LRP5: variants seen among roughly 807,000 people sequenced by gnomAD.
The protein encoded by LRP5 is LDL receptor related protein 5, also known as low-density lipoprotein receptor-related protein 5.
In LRP5, 62 loss-of-function variants were observed where a neutral mutation model predicts 154.1. The observed-to-expected ratio is 0.40, with a 90% CI of 0.33 to 0.50. The LOEUF (loss-of-function observed/expected upper bound fraction) is 0.50. Among genes scored for constraint, LRP5 ranks in the 20% least tolerant of loss-of-function variants. LRP5 has a pLI of 0.55. For missense variants in LRP5, 1,915 were observed against 2,336.7 expected (o/e 0.82, Z 3.72); for synonymous variants, 966 against 1,011.5 (o/e 0.96, Z 0.85).
In LRP5 at chr11:68,424,845, C is replaced by G. The variant is rs554506426; in HGVS notation, c.3237-257C>G. 9.2e-5 allele frequency among the ~76,000 whole-genome samples: 14 copies of G among 152,334 alleles called. No individual in the cohort carries two copies. The East Asian group carries it at 2.7e-3, about 29-fold the overall frequency. ...CACTTCAGTTGGATTTAGGGCCTACCCTCACCCATTGTGGTCGTATCTTGA... is the reference window on the plus strand; with the variant it reads ...CACTTCAGTTGGATTTAGGGCCTACGCTCACCCATTGTGGTCGTATCTTGA... On this transcript the variant is annotated intron_variant, in intron 14 of 22. Transcript: ENST00000294304.
the LRP5 span, among the ~76,000 whole-genome samples, chr11:68,306,016 C>T: frequency 6.6e-6 from 1 of 152,236 alleles, no homozygotes; most frequent in African/African-American, 2.4e-5. Context: ...CTTCCTACCT[C>T]TTGCAACTTC....
rs121908665 is a variant in LRP5 at position 68,403,606 on chromosome 11, C to T, written c.1708C>T (p.Arg570Trp). 5 of 1,614,148 alleles carry T rather than the reference C, an allele frequency of 3.1e-6. No individual in the cohort carries two copies. The highest frequency in any genetic ancestry group is 3.4e-6 in the Non-Finnish European group (4 of 1,180,036). ...TGACTGGCAGCGCCGCAGCATCGAGCGGGTGCACAAGGTCAAGGCCAGCCG... is the reference window on the plus strand; with the variant it reads ...TGACTGGCAGCGCCGCAGCATCGAGTGGGTGCACAAGGTCAAGGCCAGCCG... The part of the protein sequence containing the change: ...WTDWQRRSIE[R>W]VHKVKASRDV... The change falls in exon 8 of 23, where the codon CGG becomes TGG. Residue 570 changes from arginine (R) to tryptophan (W), a missense_variant. By Grantham distance (101) the Arg-to-Trp change is moderately radical. Around this residue, in one of 3 missense-constraint regions of LRP5, gnomAD observed 773 missense variants for 1,100.9 expected, o/e 0.70. Transcript: ENST00000294304.
At chr11:68,329,817 A>T (rs2098601721) in intron 1 of LRP5, among the ~76,000 whole-genome samples, 1 of 152,306 alleles carries the variant, frequency 6.6e-6, no homozygotes, top group South Asian at 2.1e-4. Flanking sequence ...TGTTTCTCTC[A>T]CTATTTGCCA....
intron 1 of LRP5, among the ~76,000 whole-genome samples, chr11:68,341,056 G>GTTTTTTTTTTTTT (rs1466472469): frequency 7.8e-4 from 40 of 51,406 alleles, no homozygotes; most frequent in Non-Finnish European, 1.2e-3. Context: ...GCTGGAGATT[G>GTTTTTTTTTTTTT]TTCTTTTTTT....
chr11:68,433,415 G>A (rs1380827448), intron 17 of LRP5, among the ~76,000 whole-genome samples, 187 bp from the exon 18 acceptor site: 1 of 152,224 alleles, frequency 6.6e-6, no homozygotes, highest in African/African-American at 2.4e-5. Context: ...TCTGGGTTGG[G>A]GCTGGAGGTG....
In LRP5 at chr11:68,436,897, C is replaced by G; in HGVS notation, c.4009C>G (p.Leu1337Val). Residue 1337 changes from leucine (L) to valine (V), a missense_variant, in exon 19 of 23, where the codon CTG becomes GTG. Physicochemically the swap from Leu to Val is conservative, Grantham distance 32. Coordinates refer to ENST00000294304, the MANE Select transcript of LRP5 (RefSeq NM_002335.4). Reference protein sequence around the residue: ...SDEADCDAICLPNQFRCASGQ... With the variant: ...SDEADCDAICVPNQFRCASGQ... ...ATGGCCTCTCCTTGCAGCCATCTGC[C>G]TGCCCAACCAGTTCCGGTGTGCGAG... The G allele has an allele frequency of 6.2e-7, 1 of 1,613,674 alleles. No homozygotes were observed. The highest frequency in any genetic ancestry group is 8.5e-7 in the Non-Finnish European group (1 of 1,179,858).
chr11:68,331,434 G>T (rs1267416104), intron 1 of LRP5, among the ~76,000 whole-genome samples: 1 of 152,158 alleles, frequency 6.6e-6, no homozygotes, highest in Non-Finnish European at 1.5e-5. Context: ...CTGCCTCCCC[G>T]CCTGCCCCAG....
intron 8 of LRP5, chr11:68,404,000 G>A (rs764389474): frequency 5.7e-5 from 29 of 510,176 alleles, no homozygotes; most frequent in Non-Finnish European, 8.6e-5. Context: ...GACCCCGTCT[G>A]CAAATGTAGT....
intron 15 of LRP5, 84 bp from the exon 16 acceptor site, chr11:68,425,894 T>C (rs2098668479): frequency 8.1e-7 from 1 of 1,228,728 alleles, no homozygotes; most frequent in Admixed American, 1.7e-5. Flanking sequence ...CTGGCAGTCC[T>C]GTCAACCTCT....
intron 5 of LRP5, among the ~76,000 whole-genome samples, chr11:68,371,980 G>A (rs1314911982): frequency 6.6e-6 from 1 of 152,262 alleles, no homozygotes; most frequent in African/African-American, 2.4e-5. Flanking sequence ...GAGGTCCAGT[G>A]TCCGGGGGTG....
chr11:68,374,767 G>A (rs1231187101), intron 5 of LRP5, among the ~76,000 whole-genome samples: 2 of 152,154 alleles, frequency 1.3e-5, no homozygotes, highest in African/African-American at 4.8e-5. Context: ...ATGGAACCAC[G>A]CAGCTGTGCT....
intron 7 of LRP5, among the ~76,000 whole-genome samples, chr11:68,402,062 A>G (rs576590321): frequency 5.1e-4 from 77 of 152,166 alleles, no homozygotes; most frequent in Non-Finnish European, 9.9e-4. Context: ...CATGCATTCC[A>G]TCTGCCTTAC....
intron 13 of LRP5, among the ~76,000 whole-genome samples, chr11:68,417,633 C>A (rs545334302): frequency 3.5e-4 from 53 of 151,538 alleles, no homozygotes; most frequent in African/African-American, 1.3e-3. Context: ...GCCAGATTTG[C>A]ATTTTTGAAA....
At chr11:68,405,592 G>T (rs192476727) in intron 8 of LRP5, among the ~76,000 whole-genome samples, 1 of 152,166 alleles carries the variant, frequency 6.6e-6, no homozygotes, top group South Asian at 2.1e-4. Context: ...CTCCATGGGG[G>T]TGTGATTTAA....
chr11:68,388,084 G>A (rs375736358), intron 6 of LRP5, among the ~76,000 whole-genome samples: 5 of 152,164 alleles, frequency 3.3e-5, no homozygotes, highest in South Asian at 2.1e-4. Context: ...GGCAGAGGGC[G>A]GGGCTCGAGC....
intron 1 of LRP5, among the ~76,000 whole-genome samples, chr11:68,331,247 C>A (rs2098602577): frequency 6.6e-6 from 1 of 152,264 alleles, no homozygotes; most frequent in African/African-American, 2.4e-5. Flanking sequence ...GTCACCAACA[C>A]TGTTCTGTCA....
chr11:68,312,718 GA>G lies in LRP5; in HGVS notation c.5del (p.Glu2GlyfsTer81). The G allele has an allele frequency of 9.6e-7, 1 of 1,037,814 alleles. No individual in the cohort carries two copies. Among genetic ancestry groups the G allele is most frequent in the South Asian group, 3.5e-5 (1 of 28,576 alleles). 64.3% of individuals were successfully genotyped at this position (1,037,814 alleles called of 1,614,324 possible). ...GCCCGTCCGGCCGCCGGACAACATG[GA>G]GGCAGCGCCGCCCGGGCCGCCGTGG... M[E>X]AAPPGPPWPL... is the part of the protein sequence containing the mutation. On this transcript the variant is annotated frameshift_variant, in exon 1 of 23. Transcript: ENST00000294304. LOFTEE classifies it high-confidence loss of function.
In LRP5 at chr11:68,413,949, G is replaced by A. The variant is rs773895575; in HGVS notation, c.2764G>A (p.Gly922Ser). The A allele has an allele frequency of 1.3e-5, 21 of 1,609,168 alleles. No individual in the cohort carries two copies. The Admixed American group carries it at 2.3e-4, about 18-fold the overall frequency. Residue 922 changes from glycine to serine, a missense_variant, in exon 12 of 23, where the codon GGC (glycine) becomes AGC (serine). This residue lies in a region of LRP5 where 1,094 missense variants were observed against 1,210.1 expected (regional missense o/e 0.90). Coordinates refer to ENST00000294304, the MANE Select transcript of LRP5 (RefSeq NM_002335.4). The surrounding 1 kb of genome is among the most constrained non-coding windows in gnomAD (Gnocchi z 5.1). ...QCGQLCLAIPGGHRCGCASHY... is the reference protein window; with the variant it reads ...QCGQLCLAIPSGHRCGCASHY... ...TGGGCAGCTGTGCCTTGCCATCCCCGGCGGCCACCGCTGCGGCTGCGCCTC... is the reference window on the plus strand; with the variant it reads ...TGGGCAGCTGTGCCTTGCCATCCCCAGCGGCCACCGCTGCGGCTGCGCCTC...
At position 68,423,790 on chromosome 11, in the gene LRP5, C is replaced by T; in HGVS notation, c.3236+93C>T. ...GCCAGCCTCTCACAGGCTGGGGAGA[C>T]TTTCCACCCTGGGGATCCAATGGGT... On this transcript the variant is annotated intron_variant, in intron 14 of 22. Transcript: ENST00000294304. The surrounding 1 kb of genome is among the most constrained non-coding windows in gnomAD (Gnocchi z 4.7). 1.6e-6 allele frequency: 2 copies of T among 1,275,384 alleles called. No individual in the cohort carries two copies. Among genetic ancestry groups the T allele is most frequent in the South Asian group, 2.6e-5 (2 of 76,048 alleles). The allele number at this position is 1,275,384 out of a possible 1,614,324, so 79.0% of individuals were successfully genotyped here.
Sources: gnomAD v4.1 joint callset for allele counts (sites outside exome capture counted in the v4.1 genomes callset) on GRCh38, gnomAD v4.1.1 for gene constraint, gnomAD v4.1.1 regional missense constraint, Gnocchi (gnomAD v3.1) non-coding constraint, MANE v1.5 for transcripts, NCBI Gene and HGNC (gene_info 2026-07-23, HGNC 2026-07-21) for gene names.